ABCA13: variants seen among roughly 807,000 people sequenced by gnomAD.
ABCA13 encodes ATP-binding cassette sub-family A member 13.
A neutral mutation model predicts 478.7 loss-of-function variants in ABCA13; 476 were observed. The ratio of observed to expected loss-of-function variants is 0.99; its 90% CI spans 0.92 to 1.07. ABCA13 has a LOEUF of 1.07. ABCA13 is among the 50% of genes least tolerant of loss of function. The pLI, the probability that ABCA13 is intolerant of heterozygous loss-of-function variation, is 0.00. For synonymous variants in ABCA13, 2,252 were observed against 2,158.9 expected, an observed-to-expected ratio of 1.04 and a Z score of -1.20; for missense variants, 6,060 against 5,910.6, an observed-to-expected ratio of 1.03 and a Z score of -0.83.
At chr7:48,264,415 T>TA (rs946010096) in intron 15 of ABCA13, among the ~76,000 whole-genome samples, 3 of 151,902 alleles carry the variant, frequency 2.0e-5, no homozygotes, top group African/African-American at 7.2e-5. Flanking sequence ...GCATGAGAGT[T>TA]AAAATACCTC....
At chr7:48,644,588 A>G in intron 60 of ABCA13, 29 bp from the exon 61 acceptor site, 2 of 1,278,546 alleles carry the variant, frequency 1.6e-6, no homozygotes, top group Non-Finnish European at 2.1e-6. Context: ...GTTATATGAT[A>G]CTTTTTTTTT....
intron 42 of ABCA13, 119 bp downstream of exon 42, chr7:48,427,990 T>C: frequency 1.6e-6 from 1 of 614,124 alleles, no homozygotes; most frequent in East Asian, 3.0e-5. Flanking sequence ...GAGATGTGAG[T>C]GTATAGTGAG....
chr7:48,387,726 T>C, intron 35 of ABCA13, 96 bp from the exon 36 acceptor site: 1 of 1,041,792 alleles, frequency 9.6e-7, no homozygotes, highest in Non-Finnish European at 1.3e-6. Context: ...AATATTAACA[T>C]GGGATGACAT....
chr7:48,424,362 A>G (rs936401937), intron 41 of ABCA13, among the ~76,000 whole-genome samples: 2 of 152,238 alleles, frequency 1.3e-5, no homozygotes, highest in African/African-American at 4.8e-5. Context: ...ATAGTGATTT[A>G]AATATTGCTG....
intron 3 of ABCA13, among the ~76,000 whole-genome samples, chr7:48,213,664 C>G (rs758215944): frequency 6.6e-6 from 1 of 152,146 alleles, no homozygotes; most frequent in Non-Finnish European, 1.5e-5. Flanking sequence ...TGTTTTATAG[C>G]ATTTACTTAC....
At chr7:48,502,408 AG>A (rs944185865) in intron 48 of ABCA13, among the ~76,000 whole-genome samples, 22 of 152,222 alleles carry the variant, frequency 1.4e-4, no homozygotes, top group Non-Finnish European at 3.2e-4. Context: ...AGGTAAGAAA[AG>A]GTATTTATGC....
chr7:48,465,495 T>C (rs1198418239), intron 43 of ABCA13, among the ~76,000 whole-genome samples: 1 of 151,516 alleles, frequency 6.6e-6, no homozygotes, highest in African/African-American at 2.4e-5. Flanking sequence ...GGTTACAGAT[T>C]GCTCTGTGGT....
At chr7:48,441,366 T>G (rs1479866718) in intron 42 of ABCA13, among the ~76,000 whole-genome samples, 1 of 152,196 alleles carries the variant, frequency 6.6e-6, no homozygotes, top group Admixed American at 6.5e-5. Flanking sequence ...GATTACTCTT[T>G]TGTTATTGAT....
At position 48,268,873 on chromosome 7, in the gene ABCA13, T is replaced by TA. The variant is rs1795223146; in HGVS notation, c.2006-105dup. 5 of 317,172 alleles carry TA rather than the reference T, an allele frequency of 1.6e-5. No individual in the cohort carries two copies. The South Asian group carries it at 2.6e-4, about 16-fold the overall frequency. 19.6% of individuals were successfully genotyped at this position (317,172 alleles called of 1,614,324 possible). A position where few individuals can be genotyped will look rare whatever the true frequency, so the allele number is the denominator to read the frequency against. On this transcript the variant is annotated intron_variant, in intron 15 of 61. Transcript: ENST00000435803. Reference sequence around the variant, plus strand: ...ATCTTTTTTTTTTTTTTTTTTTTTTTAACATTTTCAACCATATTAGGTGAA... The same window carrying TA: ...ATCTTTTTTTTTTTTTTTTTTTTTTTAAACATTTTCAACCATATTAGGTGAA...
intron 43 of ABCA13, among the ~76,000 whole-genome samples, chr7:48,459,058 G>T (rs190117367): frequency 1.3e-3 from 196 of 152,252 alleles, no homozygotes; most frequent in African/African-American, 4.2e-3. Flanking sequence ...TTTTGAGAGT[G>T]CTCCAGAAAT....
intron 10 of ABCA13, among the ~76,000 whole-genome samples, chr7:48,242,247 C>T (rs536022870): frequency 6.6e-5 from 10 of 150,862 alleles, no homozygotes; most frequent in African/African-American, 2.4e-4. Context: ...GGATTGAAGC[C>T]CCAGGAAGCT....
intron 42 of ABCA13, among the ~76,000 whole-genome samples, chr7:48,443,336 C>A (rs1430709840): frequency 6.6e-5 from 10 of 152,152 alleles, no homozygotes. Flanking sequence ...CTCAGGCCAG[C>A]CACTTGACAA....
intron 7 of ABCA13, among the ~76,000 whole-genome samples, chr7:48,230,814 T>C (rs1788952666): frequency 1.3e-5 from 2 of 152,200 alleles, no homozygotes; most frequent in South Asian, 2.1e-4. Flanking sequence ...TCCCCATTCA[T>C]CTACTCACCA....
intron 10 of ABCA13, among the ~76,000 whole-genome samples, chr7:48,241,563 T>C (rs1790836191): frequency 6.6e-6 from 1 of 152,230 alleles, no homozygotes; most frequent in Non-Finnish European, 1.5e-5. Context: ...ATAACCACAA[T>C]TGATTCACCA....
At chr7:48,368,269 T>G (rs1214675268) in intron 32 of ABCA13, among the ~76,000 whole-genome samples, 1 of 152,182 alleles carries the variant, frequency 6.6e-6, no homozygotes, top group African/African-American at 2.4e-5. Context: ...CTGCTATTTT[T>G]TTTGTAATAC....
chr7:48,596,642 C>CA (rs368051312), intron 58 of ABCA13, among the ~76,000 whole-genome samples: 10 of 151,866 alleles, frequency 6.6e-5, no homozygotes, highest in Non-Finnish European at 1.3e-4. Context: ...ACTAAAAATA[C>CA]AAAAAATTAG....
intron 23 of ABCA13, among the ~76,000 whole-genome samples, chr7:48,306,520 C>T (rs1440908657): frequency 6.6e-6 from 1 of 152,166 alleles, no homozygotes; most frequent in Non-Finnish European, 1.5e-5. Context: ...AGAGGCTCCT[C>T]TTGTGAAAGC....
chr7:48,330,059 A>T (rs143470798), intron 27 of ABCA13, among the ~76,000 whole-genome samples: 4,171 of 151,534 alleles, frequency 0.028, 173 homozygotes, highest in African/African-American at 0.096. Flanking sequence ...CCATCCATCC[A>T]TCCATCCATC....
At chr7:48,379,540 CG>C (rs1244555285) in intron 35 of ABCA13, among the ~76,000 whole-genome samples, 1 of 150,992 alleles carries the variant, frequency 6.6e-6, no homozygotes, top group Middle Eastern at 3.2e-3. Context: ...ATGAATGCAT[CG>C]GAACACAGAA....
Sources: allele counts gnomAD v4.1 joint callset (sites outside exome capture counted in the v4.1 genomes callset), GRCh38; gene constraint gnomAD v4.1.1; transcripts MANE v1.5; gene names NCBI Gene and HGNC (gene_info 2026-07-23, HGNC 2026-07-21).